Variants in DACH1 observed in about 807,000 individuals in gnomAD.
DACH1 encodes dachshund homolog 1.
A neutral mutation model predicts 54.2 loss-of-function variants in DACH1; 12 were observed. The observed-to-expected ratio is 0.22, with a 90% CI of 0.14 to 0.36. The LOEUF is 0.36. Ranked by LOEUF, DACH1 falls within the 10% of genes least tolerant of loss-of-function variation. DACH1 has a pLI of 1.00. For missense variants in DACH1, 805 were observed against 929.8 expected (o/e 0.87, Z 1.75); for synonymous variants, 386 against 366.2 (o/e 1.05, Z -0.62).
intron 7 of DACH1, among the ~76,000 whole-genome samples, 199 bp downstream of exon 7, chr13:71,488,798 T>C (rs1176296569): frequency 3.3e-5 from 5 of 150,730 alleles, no homozygotes; most frequent in African/African-American, 1.2e-4. Flanking sequence ...TACATATATA[T>C]GAATATATAT....
At chr13:71,446,480 C>G (rs886804592) in intron 10 of DACH1, among the ~76,000 whole-genome samples, 1 of 152,102 alleles carries the variant, frequency 6.6e-6, no homozygotes, top group African/African-American at 2.4e-5. Context: ...AACTTTCCAC[C>G]AACCCAAGAA....
chr13:71,836,583 C>G (rs1396096856), intron 1 of DACH1, among the ~76,000 whole-genome samples: 1 of 152,074 alleles, frequency 6.6e-6, no homozygotes, highest in African/African-American at 2.4e-5. Context: ...AGCATTAACT[C>G]TGATCCATAC....
intron 1 of DACH1, among the ~76,000 whole-genome samples, chr13:71,726,164 T>C (rs948147039): frequency 6.6e-6 from 1 of 152,162 alleles, no homozygotes; most frequent in Non-Finnish European, 1.5e-5. Flanking sequence ...CAATGAATTA[T>C]ACACTTGTAA....
At chr13:71,711,543 T>G (rs1882724552) in intron 1 of DACH1, among the ~76,000 whole-genome samples, 1 of 152,170 alleles carries the variant, frequency 6.6e-6, no homozygotes, top group African/African-American at 2.4e-5. Flanking sequence ...ATGTTAAACA[T>G]TCTACACATT....
intron 2 of DACH1, among the ~76,000 whole-genome samples, chr13:71,664,527 A>G (rs536878207): frequency 2.0e-5 from 3 of 152,028 alleles, no homozygotes; most frequent in Admixed American, 6.6e-5. Flanking sequence ...TATAGATGCA[A>G]TGCAAGGGGG....
intron 1 of DACH1, among the ~76,000 whole-genome samples, chr13:71,723,119 A>G (rs1055901043): frequency 6.6e-6 from 1 of 152,048 alleles, no homozygotes; most frequent in African/African-American, 2.4e-5. Flanking sequence ...AAATGTGTCT[A>G]GGTCTGGCAT....
intron 6 of DACH1, among the ~76,000 whole-genome samples, chr13:71,553,043 G>A (rs754820127): frequency 9.5e-5 from 14 of 147,150 alleles, no homozygotes; most frequent in Admixed American, 4.1e-4. Context: ...TTAGCCAGGC[G>A]TGGTGGTGGG....
chr13:71,754,625 C>T (rs1885066010), intron 1 of DACH1, among the ~76,000 whole-genome samples: 1 of 151,998 alleles, frequency 6.6e-6, no homozygotes, highest in Admixed American at 6.6e-5. Context: ...ATTTCCAGCC[C>T]AGATTTTGTA....
At chr13:71,498,527 T>A (rs535144366) in intron 6 of DACH1, among the ~76,000 whole-genome samples, 2 of 152,258 alleles carry the variant, frequency 1.3e-5, no homozygotes, top group African/African-American at 4.8e-5. Flanking sequence ...AGGAATAAAA[T>A]TTTTTAAATG....
intron 1 of DACH1, among the ~76,000 whole-genome samples, chr13:71,854,418 C>G (rs1014302427): frequency 6.6e-6 from 1 of 151,976 alleles, no homozygotes; most frequent in Non-Finnish European, 1.5e-5. Context: ...GTATCATGTA[C>G]AATTCTGTGC....
intron 1 of DACH1, among the ~76,000 whole-genome samples, chr13:71,726,024 A>G (rs1304130824): frequency 6.6e-6 from 1 of 152,112 alleles, no homozygotes; most frequent in Non-Finnish European, 1.5e-5. Flanking sequence ...TTTAATCATT[A>G]ATGAACACAT....
At chr13:71,560,095 T>A in intron 4 of DACH1, 140 bp from the exon 5 acceptor site, 2 of 983,500 alleles carry the variant, frequency 2.0e-6, no homozygotes, top group Non-Finnish European at 2.8e-6. Flanking sequence ...TTAACTGTAC[T>A]AAAAGATATG....
chr13:71,800,700 A>T (rs1211697532), intron 1 of DACH1, among the ~76,000 whole-genome samples: 1 of 152,076 alleles, frequency 6.6e-6, no homozygotes, highest in East Asian at 1.9e-4. Flanking sequence ...TATTAAGATG[A>T]CTCATTATGA....
intron 6 of DACH1, among the ~76,000 whole-genome samples, chr13:71,505,025 T>G (rs958485878): frequency 6.6e-5 from 10 of 152,192 alleles, no homozygotes; most frequent in African/African-American, 2.4e-4. Context: ...TTTAACTTAC[T>G]GAGAAATCGC....
At chr13:71,787,227 C>T (rs910107300) in intron 1 of DACH1, among the ~76,000 whole-genome samples, 2 of 152,118 alleles carry the variant, frequency 1.3e-5, no homozygotes. Context: ...AAAGAGATTA[C>T]AGGGGACTTA....
At position 71,559,953 on chromosome 13, in the gene DACH1, C is replaced by T. The variant is rs1480389257; in HGVS notation, c.1302G>A (p.Glu434=). Residue 434 remains glutamate, a splice_region_variant and synonymous_variant, in exon 5 of 11, where the codon GAG becomes GAA. Coordinates refer to ENST00000613252, the MANE Select transcript of DACH1 (RefSeq NM_080759.6). ...PSRVETSVIK[E]RVPDSPSPAP... ...CAGGTGAGGGGCTATCAGGAACACGCTCCTGCACCAGCAAGAGAGGGAAGG... is the reference window on the plus strand; with the variant it reads ...CAGGTGAGGGGCTATCAGGAACACGTTCCTGCACCAGCAAGAGAGGGAAGG... 6.5e-6 allele frequency: 10 copies of T among 1,545,286 alleles called. No homozygotes were observed. Among genetic ancestry groups the T allele is most frequent in the Non-Finnish European group, 8.7e-6 (10 of 1,148,534 alleles).
At chr13:71,859,543 CT>C (rs1481686731) in intron 1 of DACH1, among the ~76,000 whole-genome samples, 13 of 151,634 alleles carry the variant, frequency 8.6e-5, no homozygotes, top group Non-Finnish European at 1.8e-4. Flanking sequence ...ATTGAAAATT[CT>C]TTTCATTGTC....
At chr13:71,800,605 T>A (rs1028274239) in intron 1 of DACH1, among the ~76,000 whole-genome samples, 5 of 152,082 alleles carry the variant, frequency 3.3e-5, no homozygotes, top group African/African-American at 1.2e-4. Flanking sequence ...CTAAAGTTCA[T>A]AAAACTAAGA....
At chr13:71,469,643 T>C (rs1211668948) in intron 10 of DACH1, among the ~76,000 whole-genome samples, 1 of 152,202 alleles carries the variant, frequency 6.6e-6, no homozygotes, top group Non-Finnish European at 1.5e-5. Context: ...AGGAGATTTA[T>C]TTTATCTTAA....
Sources: gnomAD v4.1 joint callset for allele counts (sites outside exome capture counted in the v4.1 genomes callset) on GRCh38, gnomAD v4.1.1 for gene constraint, MANE v1.5 for transcripts, NCBI Gene and HGNC (gene_info 2026-07-23, HGNC 2026-07-21) for gene names.